RGS6: variants seen among roughly 807,000 people sequenced by gnomAD.
RGS6 encodes the protein regulator of G-protein signaling 6.
A neutral mutation model predicts 78.5 loss-of-function variants in RGS6; 30 were observed. The observed-to-expected ratio is 0.38, with a 90% CI of 0.29 to 0.52. The LOEUF (loss-of-function observed/expected upper bound fraction) is 0.52, where lower values mean the gene tolerates loss of function less well. Ranked by LOEUF, RGS6 falls within the 20% of genes least tolerant of loss-of-function variation. The probability of loss-of-function intolerance (pLI) is 0.85; values close to 1 mark genes in which losing one functional copy is unlikely to be tolerated. For synonymous variants in RGS6, 206 were observed against 206.0 expected, an observed-to-expected ratio of 1.00 and a Z score of 0.00; for missense variants, 495 against 609.7, an observed-to-expected ratio of 0.81 and a Z score of 1.98.
chr14:71,948,025 C>T (rs1009621482), intron 1 of RGS6, among the ~76,000 whole-genome samples: 13 of 152,134 alleles, frequency 8.5e-5, no homozygotes, highest in Non-Finnish European at 1.6e-4. Flanking sequence ...CCAAGTATCT[C>T]GAGCAGAAAT....
intron 3 of RGS6, among the ~76,000 whole-genome samples, chr14:72,454,065 T>G (rs1415982695): frequency 6.6e-6 from 1 of 152,258 alleles, no homozygotes. Context: ...CATAGACGTT[T>G]CTGCCACAAA....
chr14:72,048,924 C>T (rs1435649967), intron 2 of RGS6, among the ~76,000 whole-genome samples: 2 of 152,136 alleles, frequency 1.3e-5, no homozygotes, highest in Non-Finnish European at 2.9e-5. Flanking sequence ...AAGTTCTGTG[C>T]AACTATTGCA....
intron 6 of RGS6, among the ~76,000 whole-genome samples, chr14:72,463,597 C>T (rs922430867): frequency 1.3e-5 from 2 of 152,258 alleles, no homozygotes; most frequent in Non-Finnish European, 1.5e-5. Flanking sequence ...CTTGGGATGA[C>T]TCTGCCTGCA....
chr14:71,882,416 A>G, the RGS6 span, among the ~76,000 whole-genome samples: 1 of 152,234 alleles, frequency 6.6e-6, no homozygotes, highest in African/African-American at 2.4e-5. Flanking sequence ...TGCTATGAAC[A>G]TTGGTATATG....
At chr14:72,562,134 T>G (rs1185951605) in intron 17 of RGS6, among the ~76,000 whole-genome samples, 14 of 152,220 alleles carry the variant, frequency 9.2e-5, no homozygotes, top group Non-Finnish European at 1.6e-4. Context: ...TACCTGGTTT[T>G]TGGTAAGTAA....
At chr14:71,930,562 TA>T (rs535811053), upstream of RGS6, among the ~76,000 whole-genome samples, 60 of 152,184 alleles carry the variant, frequency 3.9e-4, no homozygotes, top group South Asian at 1.0e-2. Context: ...TGATTTCACA[TA>T]TTTTTTTTTA....
chr14:72,622,257 T>G, the RGS6 span, among the ~76,000 whole-genome samples: 10 of 152,148 alleles, frequency 6.6e-5, no homozygotes, highest in Non-Finnish European at 1.3e-4. Context: ...AAGAGTTTAC[T>G]GAGAAGAAGT....
At chr14:72,209,628 T>C (rs1459004918) in intron 2 of RGS6, among the ~76,000 whole-genome samples, 2 of 152,148 alleles carry the variant, frequency 1.3e-5, no homozygotes, top group Non-Finnish European at 2.9e-5. Flanking sequence ...TATTGTCCCA[T>C]ACATGGTAAC....
chr14:71,931,097 G>A (rs2087825938), upstream of RGS6, among the ~76,000 whole-genome samples: 1 of 146,336 alleles, frequency 6.8e-6, no homozygotes, highest in East Asian at 2.1e-4. Flanking sequence ...TGTGACAAAC[G>A]GCCACAGCCA....
At chr14:72,485,457 T>C (rs576200474) in intron 12 of RGS6, among the ~76,000 whole-genome samples, 3 of 152,224 alleles carry the variant, frequency 2.0e-5, no homozygotes, top group South Asian at 4.1e-4. Flanking sequence ...GCCTCCTTCA[T>C]TGGCCTGCCT....
intron 17 of RGS6, among the ~76,000 whole-genome samples, chr14:72,545,340 C>T (rs1236253209): frequency 6.6e-6 from 1 of 152,226 alleles, no homozygotes; most frequent in Admixed American, 6.5e-5. Flanking sequence ...ACCTGCCTCT[C>T]TGGAGCAGCA....
chr14:72,558,398 C>T (rs1173488500), intron 17 of RGS6, among the ~76,000 whole-genome samples: 1 of 152,170 alleles, frequency 6.6e-6, no homozygotes, highest in Non-Finnish European at 1.5e-5. Context: ...CACAGCCCTC[C>T]TCCCAGCCAA....
In RGS6 at chr14:72,177,401, G is replaced by A. The variant is rs571782747; in HGVS notation, c.85-174694G>A. 2.2e-4 allele frequency among the ~76,000 whole-genome samples: 33 copies of A among 152,252 alleles called. 1 individual carries two copies. The highest frequency in any genetic ancestry group is 2.0e-3 in the Admixed American group (30 of 15,294). On this transcript the variant is annotated intron_variant, in intron 2 of 17. Transcript: ENST00000553525. ...TCTCTTGTGAGCAGGGTAAGTAGAT[G>A]GCTTGTGCTGGTGCAGAAAGGCAGG...
intron 2 of RGS6, among the ~76,000 whole-genome samples, chr14:71,997,314 G>C (rs1398758280): frequency 6.6e-6 from 1 of 152,162 alleles, no homozygotes; most frequent in Non-Finnish European, 1.5e-5. Flanking sequence ...TGGTGAGTTT[G>C]AGATGCCTGT....
upstream of RGS6, among the ~76,000 whole-genome samples, chr14:71,932,027 C>T (rs936940266): frequency 1.3e-5 from 2 of 152,206 alleles, no homozygotes; most frequent in African/African-American, 4.8e-5. Context: ...AGCCGCCGGG[C>T]ACCTCACCCC....
At chr14:72,339,992 A>T (rs1221437440) in intron 2 of RGS6, among the ~76,000 whole-genome samples, 1 of 152,016 alleles carries the variant, frequency 6.6e-6, no homozygotes, top group African/African-American at 2.4e-5. Context: ...TTTTAGACTC[A>T]TTTAAAATCC....
At chr14:72,054,319 A>G (rs1353637740) in intron 2 of RGS6, among the ~76,000 whole-genome samples, 1 of 152,204 alleles carries the variant, frequency 6.6e-6, no homozygotes, top group Non-Finnish European at 1.5e-5. Flanking sequence ...TCAATTAACT[A>G]TACCAGAGGC....
At chr14:72,373,556 G>A (rs989701889) in intron 3 of RGS6, among the ~76,000 whole-genome samples, 1 of 152,158 alleles carries the variant, frequency 6.6e-6, no homozygotes. Flanking sequence ...AAGCCTATAT[G>A]AGTATCAAGT....
chr14:72,097,605 T>C (rs961649607), intron 2 of RGS6, among the ~76,000 whole-genome samples: 8 of 152,198 alleles, frequency 5.3e-5, no homozygotes, highest in African/African-American at 1.9e-4. Context: ...GTGTCTTTGT[T>C]GCTGTAAACT....
Sources: gnomAD v4.1 joint callset for allele counts (sites outside exome capture counted in the v4.1 genomes callset) on GRCh38, gnomAD v4.1.1 for gene constraint, MANE v1.5 for transcripts, NCBI Gene and HGNC (gene_info 2026-07-23, HGNC 2026-07-21) for gene names.